CSMD1: variants seen among roughly 807,000 people sequenced by gnomAD.
CSMD1 encodes the protein CUB and Sushi multiple domains 1, also known as CUB and sushi domain-containing protein 1.
A neutral mutation model predicts 417.5 loss-of-function variants in CSMD1; 213 were observed. The ratio of observed to expected loss-of-function variants is 0.51; its 90% CI spans 0.46 to 0.57. The LOEUF is 0.57. Among genes scored for constraint, CSMD1 ranks in the 20% least tolerant of loss-of-function variants. The pLI is 0.00. For missense variants in CSMD1, 6,923 were observed against 4,529.7 expected (o/e 1.53, Z -15.17); for synonymous variants, 2,862 against 1,736.8 (o/e 1.65, Z -16.11).
chr8:3,557,749 C>G (rs912322267), intron 10 of CSMD1, among the ~76,000 whole-genome samples: 2 of 152,126 alleles, frequency 1.3e-5, no homozygotes, highest in African/African-American at 4.8e-5. Context: ...CCTTAGTCCC[C>G]TAGTAGGTGA....
At chr8:4,075,839 G>C (rs114002802) in intron 3 of CSMD1, among the ~76,000 whole-genome samples, 1 of 152,140 alleles carries the variant, frequency 6.6e-6, no homozygotes, top group Non-Finnish European at 1.5e-5. Context: ...AAAGGAAGCA[G>C]GCTATTGTCC....
intron 6 of CSMD1, among the ~76,000 whole-genome samples, chr8:3,741,978 G>GC (rs1207725319): frequency 1.1e-5 from 1 of 94,018 alleles, no homozygotes; most frequent in Admixed American, 1.1e-4. Flanking sequence ...AAAGAATCTT[G>GC]GTTTTTTTTT....
At chr8:4,616,781 T>C (rs1225195039) in intron 2 of CSMD1, among the ~76,000 whole-genome samples, 1 of 152,198 alleles carries the variant, frequency 6.6e-6, no homozygotes, top group Non-Finnish European at 1.5e-5. Flanking sequence ...TACCCTTCCT[T>C]ATTTGTAGAA....
chr8:4,089,265 C>T (rs1383230720), intron 3 of CSMD1, among the ~76,000 whole-genome samples: 1 of 152,230 alleles, frequency 6.6e-6, no homozygotes, highest in Non-Finnish European at 1.5e-5. Context: ...CACATTTTCT[C>T]CAGGAATTAG....
At chr8:4,064,177 C>T (rs531259402) in intron 3 of CSMD1, among the ~76,000 whole-genome samples, 4 of 152,324 alleles carry the variant, frequency 2.6e-5, no homozygotes, top group East Asian at 3.9e-4. Flanking sequence ...AAAGTGCAAA[C>T]TAAAGACATT....
chr8:3,953,342 T>C (rs1811712130), intron 5 of CSMD1, among the ~76,000 whole-genome samples: 1 of 152,206 alleles, frequency 6.6e-6, no homozygotes, highest in African/African-American at 2.4e-5. Flanking sequence ...ACATAGTATG[T>C]ATAAACATTA....
intron 12 of CSMD1, among the ~76,000 whole-genome samples, chr8:3,428,038 G>A (rs1170272896): frequency 6.6e-6 from 1 of 152,178 alleles, no homozygotes; most frequent in East Asian, 1.9e-4. Context: ...TGCATTATCT[G>A]CTTCGTTGCG....
intron 3 of CSMD1, among the ~76,000 whole-genome samples, chr8:4,116,307 T>C (rs1802143868): frequency 6.6e-6 from 1 of 152,058 alleles, no homozygotes; most frequent in South Asian, 2.1e-4. Flanking sequence ...AATAGAATCT[T>C]TAGGACGGTG....
chr8:3,940,607 A>T (rs967406760), intron 5 of CSMD1, among the ~76,000 whole-genome samples: 2 of 151,732 alleles, frequency 1.3e-5, no homozygotes, highest in Non-Finnish European at 2.9e-5. Flanking sequence ...GAACATATAC[A>T]CCACAACACT....
chr8:3,042,777 C>A (rs1397352462), intron 50 of CSMD1, among the ~76,000 whole-genome samples: 5 of 152,028 alleles, frequency 3.3e-5, no homozygotes, highest in Non-Finnish European at 5.9e-5. Context: ...TAGACATAAC[C>A]TTAGTTTTTC....
chr8:3,648,598 A>G (rs1199980920), intron 7 of CSMD1, among the ~76,000 whole-genome samples: 1 of 152,214 alleles, frequency 6.6e-6, no homozygotes, highest in Non-Finnish European at 1.5e-5. Flanking sequence ...TTTAGAACAG[A>G]TTTAATGACT....
At chr8:3,525,237 C>T (rs368160807) in intron 10 of CSMD1, among the ~76,000 whole-genome samples, 1 of 152,122 alleles carries the variant, frequency 6.6e-6, no homozygotes. Flanking sequence ...GGGGAGATAG[C>T]ATCCCTGGAA....
chr8:4,047,366 A>G (rs1798200558), intron 3 of CSMD1, among the ~76,000 whole-genome samples: 1 of 152,234 alleles, frequency 6.6e-6, no homozygotes, highest in Non-Finnish European at 1.5e-5. Context: ...GGTCCTGCTC[A>G]TGGAATAGGA....
At chr8:4,187,984 G>C (rs972612782) in intron 3 of CSMD1, among the ~76,000 whole-genome samples, 2 of 151,772 alleles carry the variant, frequency 1.3e-5, no homozygotes, top group African/African-American at 2.4e-5. Flanking sequence ...ATTCCCCTGC[G>C]TTTATCTCCT....
At chr8:3,425,055 G>A (rs1471861762) in intron 12 of CSMD1, among the ~76,000 whole-genome samples, 1 of 152,050 alleles carries the variant, frequency 6.6e-6, no homozygotes, top group East Asian at 1.9e-4. Context: ...GACCAGCCTG[G>A]TTCCAAGTCC....
At chr8:3,149,531 G>A (rs1046542058) in intron 40 of CSMD1, among the ~76,000 whole-genome samples, 7 of 152,204 alleles carry the variant, frequency 4.6e-5, no homozygotes, top group African/African-American at 1.2e-4. Context: ...AAGCTGGAGC[G>A]CAGTGGCGTG....
chr8:3,462,881 C>G (rs538678579), intron 12 of CSMD1, among the ~76,000 whole-genome samples: 16 of 152,130 alleles, frequency 1.1e-4, no homozygotes, highest in Admixed American at 1.0e-3. Context: ...TGATGGTTTT[C>G]AGAGATGGGC....
chr8:4,501,915 G>A (rs566848827), intron 2 of CSMD1, among the ~76,000 whole-genome samples: 1 of 152,210 alleles, frequency 6.6e-6, no homozygotes, highest in Admixed American at 6.5e-5. Flanking sequence ...ATCTACTGGG[G>A]GTTTTGGAAC....
intron 5 of CSMD1, among the ~76,000 whole-genome samples, chr8:3,897,983 G>C (rs564661875): frequency 6.6e-6 from 1 of 152,168 alleles, no homozygotes; most frequent in Non-Finnish European, 1.5e-5. Context: ...TAGTCACGGA[G>C]AACTGGAGAG....
Sources: allele counts gnomAD v4.1 joint callset (sites outside exome capture counted in the v4.1 genomes callset), GRCh38; gene constraint gnomAD v4.1.1; transcripts MANE v1.5; gene names NCBI Gene and HGNC (gene_info 2026-07-23, HGNC 2026-07-21).